The following XPO6 variants were observed in gnomAD, a reference collection of about 807,000 sequenced individuals.
XPO6 encodes the protein exportin 6, also known as exportin-6.
Under a neutral mutation model 130.0 loss-of-function variants are expected in XPO6, and 3 were observed. The observed-to-expected ratio is 0.02, with a 90% CI of 0.01 to 0.06. The LOEUF (loss-of-function observed/expected upper bound fraction) is 0.06, where lower values mean the gene tolerates loss of function less well. Ranked by LOEUF, XPO6 falls within the 10% of genes least tolerant of loss-of-function variation. The probability of loss-of-function intolerance (pLI) is 1.00; values close to 1 mark genes in which losing one functional copy is unlikely to be tolerated. For missense variants in XPO6, 970 were observed against 1,393.0 expected (o/e 0.70, Z 4.83); for synonymous variants, 524 against 548.9 (o/e 0.95, Z 0.63).
intron 2 of XPO6, among the ~76,000 whole-genome samples, chr16:28,178,801 C>G (rs1026278257): frequency 1.3e-5 from 2 of 151,746 alleles, no homozygotes; most frequent in Non-Finnish European, 2.9e-5. Context: ...GGCCCATTGG[C>G]TCATGCCCGT....
At chr16:28,206,782 G>A (rs148764553) in intron 1 of XPO6, among the ~76,000 whole-genome samples, 56 of 152,262 alleles carry the variant, frequency 3.7e-4, no homozygotes, top group African/African-American at 1.2e-3. Context: ...TCTGGGTACT[G>A]CTGAACCTTT....
chr16:28,171,285 T>C (rs2043444266), intron 4 of XPO6, among the ~76,000 whole-genome samples: 1 of 151,342 alleles, frequency 6.6e-6, no homozygotes, highest in Admixed American at 6.6e-5. Flanking sequence ...AAACTCCATC[T>C]CTACTAAAAA....
rs781218954 is a variant in XPO6, at chr16:28,104,600, C to T, written c.2892G>A (p.Arg964=). 1.2e-6 allele frequency: 2 copies of T among 1,614,208 alleles called. No individual in the cohort carries two copies. Among genetic ancestry groups the T allele is most frequent in the Non-Finnish European group, 1.7e-6 (2 of 1,180,038 alleles). The change falls in exon 21 of 24, where the codon AGG becomes AGA. Residue 964 remains arginine (R), a synonymous_variant. Coordinates refer to ENST00000304658, the MANE Select transcript of XPO6 (RefSeq NM_015171.4). ...TCTCCATCTGCTCCTCAGCGATCCC[C>T]CTCTGGACACTGGCCAGCACGGTGG... ...FKSTVLASVQ[R]GIAEEQMENE... is the part of the protein sequence containing the mutation.
At chr16:28,126,746 A>T (rs1247303214) in intron 12 of XPO6, 1 of 152,206 alleles carries the variant, frequency 6.6e-6, no homozygotes, top group Non-Finnish European at 1.5e-5. Flanking sequence ...AAAGATAGTA[A>T]GAATTTTCAG....
intron 6 of XPO6, among the ~76,000 whole-genome samples, chr16:28,158,474 A>T (rs1371571263): frequency 6.6e-6 from 1 of 152,242 alleles, no homozygotes; most frequent in Non-Finnish European, 1.5e-5. Context: ...TGCTTTGAAA[A>T]ATATAGTTAT....
rs182527885 is a variant in XPO6, at chr16:28,139,109, A to C, written c.1335-3785T>G. 1.4e-3 allele frequency among the ~76,000 whole-genome samples: 209 copies of C among 152,336 alleles called. 1 individual carries two copies. Among genetic ancestry groups the C allele is most frequent in the African/African-American group, 4.7e-3 (197 of 41,574 alleles). On this transcript the variant is annotated intron_variant, in intron 9 of 23. Coordinates refer to ENST00000304658, the MANE Select transcript of XPO6 (RefSeq NM_015171.4). ...CCTCAATGTGTCTGTATTTGAAGACAGGGCCTATAAAAAGGTAATAAAGTT... is the reference window on the plus strand; with the variant it reads ...CCTCAATGTGTCTGTATTTGAAGACCGGGCCTATAAAAAGGTAATAAAGTT...
chr16:28,112,153 G>A, intron 16 of XPO6, 147 bp from the exon 17 acceptor site: 1 of 867,494 alleles, frequency 1.2e-6, no homozygotes, highest in South Asian at 1.8e-5. Context: ...AAGGCCTTTG[G>A]TCCAACTGGA....
intron 13 of XPO6, among the ~76,000 whole-genome samples, chr16:28,125,108 A>C (rs1423331590): frequency 6.6e-6 from 1 of 152,216 alleles, no homozygotes; most frequent in Non-Finnish European, 1.5e-5. Context: ...CCCAAGAGGA[A>C]GGAGAAGAAA....
At chr16:28,128,519 GCTT>G (rs2042605438) in intron 12 of XPO6, among the ~76,000 whole-genome samples, 1 of 152,168 alleles carries the variant, frequency 6.6e-6, no homozygotes, top group Non-Finnish European at 1.5e-5. Flanking sequence ...CTGAGAACAA[GCTT>G]CTTAAGTATT....
At chr16:28,154,378 T>A in intron 7 of XPO6, 15 of 760,836 alleles carry the variant, frequency 2.0e-5, no homozygotes, top group Non-Finnish European at 2.4e-5. Flanking sequence ...AAACTACAGA[T>A]TTTATTTCAC....
chr16:28,206,050 A>AAC (rs982531721), intron 1 of XPO6, among the ~76,000 whole-genome samples: 3 of 151,218 alleles, frequency 2.0e-5, no homozygotes, highest in African/African-American at 4.9e-5. Flanking sequence ...AAAAAAAAAA[A>AAC]AAAACTGCCT....
chr16:28,165,556 A>G (rs1338639739), intron 6 of XPO6: 1 of 152,236 alleles, frequency 6.6e-6, no homozygotes, highest in East Asian at 1.9e-4. Context: ...TTAGTGCACT[A>G]TGAGTACTCC....
intron 1 of XPO6, among the ~76,000 whole-genome samples, chr16:28,190,181 T>C (rs2043762627): frequency 6.6e-6 from 1 of 151,990 alleles, no homozygotes; most frequent in African/African-American, 2.4e-5. Flanking sequence ...ACAAGACTCA[T>C]CAATCAGCTA....
chr16:28,113,545 G>A (rs1268018986), intron 15 of XPO6, among the ~76,000 whole-genome samples: 1 of 152,192 alleles, frequency 6.6e-6, no homozygotes, highest in African/African-American at 2.4e-5. Flanking sequence ...ATTAGCAAAG[G>A]AGAAAAACGT....
intron 1 of XPO6, among the ~76,000 whole-genome samples, chr16:28,197,317 T>A (rs1219869222): frequency 6.6e-6 from 1 of 152,036 alleles, no homozygotes; most frequent in African/African-American, 2.4e-5. Flanking sequence ...CTGGAAAAAA[T>A]TAAAATATGT....
In XPO6 at chr16:28,102,937, C is replaced by T. The variant is rs115724173; in HGVS notation, c.2947-992G>A. Among the ~76,000 whole-genome samples, 684 of 152,198 alleles carry T rather than the reference C, an allele frequency of 4.5e-3. 7 individuals carry two copies. The highest frequency in any genetic ancestry group is 0.016 in the African/African-American group (664 of 41,510). ...ATTCTGTCCCTGGGCCCCTAAGCTA[C>T]CAGAGGAGGATCTTGTAATCCCTGC... is the stretch of plus-strand genomic sequence containing the variant. On this transcript the variant is annotated intron_variant, in intron 21 of 23. Transcript: ENST00000304658.
intron 12 of XPO6, 23 bp from the exon 13 acceptor site, chr16:28,125,871 G>C: frequency 6.2e-7 from 1 of 1,606,518 alleles, no homozygotes; most frequent in Non-Finnish European, 8.5e-7. Context: ...ACGCCAGACA[G>C]TTTTTCACAG....
At chr16:28,125,545 G>T in intron 13 of XPO6, 144 bp downstream of exon 13, 1 of 980,372 alleles carries the variant, frequency 1.0e-6, no homozygotes, top group Non-Finnish European at 1.5e-6. Context: ...TAAGTAATTT[G>T]TTCCCTATCA....
At chr16:28,174,699 C>T (rs1470034809) in intron 4 of XPO6, among the ~76,000 whole-genome samples, 1 of 152,176 alleles carries the variant, frequency 6.6e-6, no homozygotes, top group African/African-American at 2.4e-5. Flanking sequence ...TTTTGAATTG[C>T]TGCATCATTA....
Sources: gnomAD v4.1 joint callset for allele counts (sites outside exome capture counted in the v4.1 genomes callset) on GRCh38, gnomAD v4.1.1 for gene constraint, MANE v1.5 for transcripts, NCBI Gene and HGNC (gene_info 2026-07-23, HGNC 2026-07-21) for gene names.